Variants in ISG20 observed in about 807,000 individuals in gnomAD.
The protein encoded by ISG20 is interferon stimulated exonuclease gene 20.
A neutral mutation model predicts 11.1 loss-of-function variants in ISG20; 8 were observed. The ratio of observed to expected loss-of-function variants is 0.72; its 90% CI spans 0.42 to 1.30. The LOEUF (loss-of-function observed/expected upper bound fraction) is 1.30, where lower values mean the gene tolerates loss of function less well. ISG20 is among the 50% of genes most tolerant of loss of function. The pLI, the probability that ISG20 is intolerant of heterozygous loss-of-function variation, is 0.01. For missense variants in ISG20, 243 were observed against 250.2 expected (o/e 0.97, Z 0.19); for synonymous variants, 110 against 101.7 (o/e 1.08, Z -0.49).
At chr15:88,651,053 G>C (rs367759480) in intron 2 of ISG20, 1 of 260,248 alleles carries the variant, frequency 3.8e-6, no homozygotes, top group Non-Finnish European at 6.0e-6. Context: ...GTGAGACACC[G>C]TGCCTGGCTG....
chr15:88,650,344 G>A lies in ISG20; in HGVS notation c.229-1766G>A, dbSNP rs1419669086. On this transcript the variant is annotated intron_variant, in intron 2 of 3. Coordinates refer to ENST00000306072, the MANE Select transcript of ISG20 (RefSeq NM_002201.6). This position sits in a 1 kb window ranked among gnomAD's most constrained non-coding sequence, Gnocchi z 4.0. ...TGGGAGGCGAGGCGAGGAACGCGGG[G>A]CTGGGGCAGTCACAGCTGGGCGCCT... The A allele has an allele frequency of 3.3e-5, 51 of 1,535,198 alleles. No individual in the cohort carries two copies. Among genetic ancestry groups the A allele is most frequent in the Non-Finnish European group, 4.4e-5 (50 of 1,146,696 alleles).
rs181501086 is a variant in ISG20 at position 88,650,395 on chromosome 15, G to C, written c.229-1715G>C. The stretch of plus-strand genomic sequence containing the variant: ...GGGCTGCTGGAGGCCTGGAGTGGTC[G>C]TTCACTCTTCTGGCTCAGTGTGGCA... On this transcript the variant is annotated intron_variant, in intron 2 of 3. Coordinates refer to ENST00000306072, the MANE Select transcript of ISG20 (RefSeq NM_002201.6). The surrounding 1 kb of genome is among the most constrained non-coding windows in gnomAD (Gnocchi z 4.0). 1 of 1,524,004 alleles carries C rather than the reference G, an allele frequency of 6.6e-7. No homozygotes were observed. Among genetic ancestry groups the C allele is most frequent in the African/African-American group, 1.4e-5 (1 of 72,952 alleles). 94.4% of individuals were successfully genotyped at this position (1,524,004 alleles called of 1,614,324 possible).
At chr15:88,654,215 C>G (rs2058336368) in intron 3 of ISG20, among the ~76,000 whole-genome samples, 1 of 152,164 alleles carries the variant, frequency 6.6e-6, no homozygotes, top group South Asian at 2.1e-4. Flanking sequence ...ACATAACCTC[C>G]CTGTGCCTCA....
upstream of ISG20, chr15:88,636,288 T>C (rs879874410): frequency 2.0e-5 from 3 of 152,392 alleles, no homozygotes; most frequent in Non-Finnish European, 1.5e-5. Flanking sequence ...TGACGCCAGT[T>C]AAAGGTAGAG....
Position 88,655,537 on chromosome 15 carries a change from C to T in ISG20, c.*6C>T, listed in dbSNP as rs371142684. 4.2e-5 allele frequency: 67 copies of T among 1,610,568 alleles called. 1 individual carries two copies. The East Asian group carries it at 5.1e-4, about 12-fold the overall frequency. Reference sequence around the variant, plus strand: ...GCCTGGCTGTGTCAGACTGAAGCCCCATCCAGCCCGTTCCGCAGGGACTAG... The same window carrying T: ...GCCTGGCTGTGTCAGACTGAAGCCCTATCCAGCCCGTTCCGCAGGGACTAG... On this transcript the variant is annotated 3_prime_UTR_variant, in exon 4 of 4. Transcript: ENST00000306072.
At position 88,650,570 on chromosome 15, in the gene ISG20, G is replaced by A; in HGVS notation, c.229-1540G>A. ...ACAATGTCAATACTTATTTCGCTCG[G>A]CCACCTGCAGTTTGGGCAGGTGCTC... is the stretch of plus-strand genomic sequence containing the variant. On this transcript the variant is annotated intron_variant, in intron 2 of 3. Transcript: ENST00000306072. This position sits in a 1 kb window ranked among gnomAD's most constrained non-coding sequence, Gnocchi z 4.0. The A allele has an allele frequency of 2.3e-6, 2 of 854,810 alleles. No individual in the cohort carries two copies. The highest frequency in any genetic ancestry group is 3.2e-6 in the Non-Finnish European group (2 of 615,678). The allele number at this position is 854,810 out of a possible 1,614,324, so 53.0% of individuals were successfully genotyped here. A position where few individuals can be genotyped will look rare whatever the true frequency, so the allele number is the denominator to read the frequency against.
At chr15:88,641,186 G>C (rs1398173153) in intron 2 of ISG20, among the ~76,000 whole-genome samples, 1 of 152,014 alleles carries the variant, frequency 6.6e-6, no homozygotes, top group Non-Finnish European at 1.5e-5. Context: ...GGTAGAGATG[G>C]GGCTTCACCA....
At position 88,650,475 on chromosome 15, in the gene ISG20, T is replaced by C; in HGVS notation, c.229-1635T>C. 7.0e-7 allele frequency: 1 copy of C among 1,436,604 alleles called. No individual in the cohort carries two copies. Among genetic ancestry groups the C allele is most frequent in the Non-Finnish European group, 9.1e-7 (1 of 1,097,840 alleles). The allele number at this position is 1,436,604 out of a possible 1,614,324, so 89.0% of individuals were successfully genotyped here. A position where few individuals can be genotyped will look rare whatever the true frequency, so the allele number is the denominator to read the frequency against. On this transcript the variant is annotated intron_variant, in intron 2 of 3. Coordinates refer to ENST00000306072, the MANE Select transcript of ISG20 (RefSeq NM_002201.6). The surrounding 1 kb of genome is among the most constrained non-coding windows in gnomAD (Gnocchi z 4.0). ...TGGCTTCAAGGCCTGGCTTTGCCAC[T>C]AACTAGCCGTGTGACTGTCCCAGTT...
intron 2 of ISG20, 27 bp from the exon 3 acceptor site, chr15:88,652,082 AG>A: frequency 6.2e-7 from 1 of 1,613,556 alleles, no homozygotes. Context: ...TGGGTCATGT[AG>A]GGGTGGGCAC....
At chr15:88,641,759 G>A (rs191965904) in intron 2 of ISG20, among the ~76,000 whole-genome samples, 16 of 152,114 alleles carry the variant, frequency 1.1e-4, no homozygotes, top group Non-Finnish European at 1.8e-4. Context: ...AGCCTTCTGA[G>A]TAGTTGGGAC....
chr15:88,645,440 G>A (rs2058155970), intron 2 of ISG20, among the ~76,000 whole-genome samples: 2 of 152,064 alleles, frequency 1.3e-5, no homozygotes, highest in Non-Finnish European at 2.9e-5. Flanking sequence ...CTCGTTTTCT[G>A]CCGGCTGTAT....
intron 3 of ISG20, among the ~76,000 whole-genome samples, chr15:88,655,193 C>T (rs1443962761): frequency 1.3e-5 from 2 of 152,248 alleles, no homozygotes; most frequent in African/African-American, 2.4e-5. Flanking sequence ...GCCTGGTTCC[C>T]AGGAGGCTGG....
chr15:88,654,853 G>A (rs72763874), intron 3 of ISG20, among the ~76,000 whole-genome samples: 35 of 152,178 alleles, frequency 2.3e-4, no homozygotes, highest in South Asian at 6.2e-4. Flanking sequence ...TCCCGACTTC[G>A]GCATTCAAGG....
intron 2 of ISG20, among the ~76,000 whole-genome samples, chr15:88,640,943 A>AG (rs1442080587): frequency 5.3e-5 from 2 of 37,420 alleles, no homozygotes; most frequent in South Asian, 6.0e-4. Flanking sequence ...CAACAGAGCC[A>AG]GGAAAAAAAA....
In ISG20 at chr15:88,639,550, C is replaced by T. The variant is rs1300227443; in HGVS notation, c.184C>T (p.Gln62Ter). Residue 62 changes from glutamine (Q) to a stop codon, truncating the protein, a stop_gained, in exon 2 of 4, where the codon CAG (glutamine) becomes TAG (stop). Transcript: ENST00000306072. LOFTEE classifies it high-confidence loss of function. The surrounding 1 kb of genome is among the most constrained non-coding windows in gnomAD (Gnocchi z 4.2). ...AACCCGGGTCAGCGGGGTCACCCCT[C>T]AGCACATGGTGGGGGCCACACCATT... is the stretch of plus-strand genomic sequence containing the variant. ...YRTRVSGVTP[Q>*]HMVGATPFAV... 2.5e-6 allele frequency: 4 copies of T among 1,614,088 alleles called. No homozygotes were observed. The highest frequency in any genetic ancestry group is 1.7e-6 in the Non-Finnish European group (2 of 1,180,038).
In ISG20 at chr15:88,643,829, T is replaced by C. The variant is rs1329104799; in HGVS notation, c.228+4235T>C. On this transcript the variant is annotated intron_variant, in intron 2 of 3. Transcript: ENST00000306072. This position sits in a 1 kb window ranked among gnomAD's most constrained non-coding sequence, Gnocchi z 4.4. ...GACCAGAAGGGTTTTGGATTTTGGA[T>C]TTGGGATTTTTTTGGATTTTGGAAT... 2.6e-5 allele frequency among the ~76,000 whole-genome samples: 4 copies of C among 152,232 alleles called. No individual in the cohort carries two copies. Among genetic ancestry groups the C allele is most frequent in the Non-Finnish European group, 4.4e-5 (3 of 68,038 alleles).
In ISG20 at chr15:88,639,136, C is replaced by G. The variant is rs2058034981; in HGVS notation, c.-25+60C>G. ...CAGCGGGAGGGGCCTTCCCGGTCCCCAGGCTGCGGGGCAGGCCAGAGGCCC... is the reference window on the plus strand; with the variant it reads ...CAGCGGGAGGGGCCTTCCCGGTCCCGAGGCTGCGGGGCAGGCCAGAGGCCC... On this transcript the variant is annotated intron_variant, in intron 1 of 3. Transcript: ENST00000306072. This position sits in a 1 kb window ranked among gnomAD's most constrained non-coding sequence, Gnocchi z 4.2. 5.3e-6 allele frequency: 3 copies of G among 569,640 alleles called. No individual in the cohort carries two copies. Among genetic ancestry groups the G allele is most frequent in the South Asian group, 2.2e-5 (1 of 45,476 alleles). The allele number at this position is 569,640 out of a possible 1,614,324, so 35.3% of individuals were successfully genotyped here.
chr15:88,638,807 C>G (rs544442723), upstream of ISG20: 2 of 156,806 alleles, frequency 1.3e-5, no homozygotes, highest in East Asian at 3.8e-4. Flanking sequence ...AGGAGGGGCA[C>G]CCTGACATGG....
intron 2 of ISG20, chr15:88,648,975 C>A (rs917189787): frequency 5.9e-5 from 9 of 152,414 alleles, no homozygotes; most frequent in African/African-American, 1.9e-4. Context: ...GTCACACAGC[C>A]CCGAGGCCAG....
Sources: allele counts gnomAD v4.1 joint callset (sites outside exome capture counted in the v4.1 genomes callset), GRCh38; gene constraint gnomAD v4.1.1; non-coding constraint Gnocchi (gnomAD v3.1); transcripts MANE v1.5; gene names NCBI Gene and HGNC (gene_info 2026-07-23, HGNC 2026-07-21).